AFG1L: variants seen among roughly 807,000 people sequenced by gnomAD.
AFG1L encodes AFG1 like ATPase, also known as AFG1-like ATPase.
A neutral mutation model predicts 62.2 loss-of-function variants in AFG1L; 53 were observed. The observed-to-expected ratio is 0.85, with a 90% CI of 0.68 to 1.07. The LOEUF is 1.07. Among genes scored for constraint, AFG1L ranks in the 50% least tolerant of loss-of-function variants. The pLI is 0.00. For synonymous variants in AFG1L, 228 were observed against 210.3 expected, an observed-to-expected ratio of 1.08 and a Z score of -0.73; for missense variants, 555 against 590.5, an observed-to-expected ratio of 0.94 and a Z score of 0.62.
intron 7 of AFG1L, among the ~76,000 whole-genome samples, chr6:108,442,486 T>C (rs1026595773): frequency 6.6e-6 from 1 of 152,028 alleles, no homozygotes; most frequent in Non-Finnish European, 1.5e-5. Flanking sequence ...GGAGTTGGGT[T>C]TGGACAACTT....
At chr6:108,414,925 A>G (rs879733884) in intron 7 of AFG1L, among the ~76,000 whole-genome samples, 22 of 152,232 alleles carry the variant, frequency 1.4e-4, no homozygotes, top group Non-Finnish European at 2.4e-4. Context: ...GGCCAGGGCA[A>G]TCAGGCAAGG....
chr6:108,344,535 A>T (rs1425230182), intron 2 of AFG1L, among the ~76,000 whole-genome samples: 1 of 152,142 alleles, frequency 6.6e-6, no homozygotes. Flanking sequence ...GTAGTATGCT[A>T]TGATCATGCC....
At chr6:108,457,466 A>G (rs1015616401) in intron 8 of AFG1L, among the ~76,000 whole-genome samples, 2 of 151,650 alleles carry the variant, frequency 1.3e-5, no homozygotes, top group Non-Finnish European at 2.9e-5. Context: ...CATTTTTACT[A>G]TCCCGGGCTT....
chr6:108,463,093 A>G (rs1772524710), intron 8 of AFG1L, among the ~76,000 whole-genome samples: 1 of 152,062 alleles, frequency 6.6e-6, no homozygotes, highest in Non-Finnish European at 1.5e-5. Context: ...AGTTCAAGAT[A>G]GCTTGGCCAA....
At chr6:108,361,003 G>A (rs549322928) in intron 5 of AFG1L, among the ~76,000 whole-genome samples, 2 of 152,350 alleles carry the variant, frequency 1.3e-5, no homozygotes, top group South Asian at 2.1e-4. Flanking sequence ...GCACCAGAGC[G>A]GCTGGCAACC....
At chr6:108,302,322 A>G (rs924279862) in intron 1 of AFG1L, among the ~76,000 whole-genome samples, 1 of 152,202 alleles carries the variant, frequency 6.6e-6, no homozygotes. Context: ...TTTACTAAAG[A>G]CAAATCATGG....
intron 10 of AFG1L, among the ~76,000 whole-genome samples, chr6:108,502,519 T>C (rs1774247856): frequency 6.6e-6 from 1 of 152,124 alleles, no homozygotes; most frequent in Non-Finnish European, 1.5e-5. Context: ...TTTGTATTTT[T>C]AGTAGAGACA....
Position 108,396,905 on chromosome 6 carries a change from C to T in AFG1L, c.749-5091C>T, listed in dbSNP as rs540386098. Among the ~76,000 whole-genome samples, 38 of 152,252 alleles carry T rather than the reference C, an allele frequency of 2.5e-4. No homozygotes were observed. The South Asian group carries it at 7.3e-3, about 29-fold the overall frequency. Reference sequence around the variant, plus strand: ...ATATACCATCCTCTCAAGCACGTATCCTTTGTATTACAAACAATCCATTAT... The same window carrying T: ...ATATACCATCCTCTCAAGCACGTATTCTTTGTATTACAAACAATCCATTAT... On this transcript the variant is annotated intron_variant, in intron 6 of 12. Coordinates refer to ENST00000368977, the MANE Select transcript of AFG1L (RefSeq NM_145315.5).
intron 3 of AFG1L, among the ~76,000 whole-genome samples, chr6:108,354,496 G>C (rs958596485): frequency 6.6e-6 from 1 of 151,932 alleles, no homozygotes; most frequent in Non-Finnish European, 1.5e-5. Flanking sequence ...GTAGAGACAG[G>C]GTTTTGCCAT....
At chr6:108,434,033 G>T (rs962198057) in intron 7 of AFG1L, among the ~76,000 whole-genome samples, 1 of 152,198 alleles carries the variant, frequency 6.6e-6, no homozygotes, top group Non-Finnish European at 1.5e-5. Flanking sequence ...GGCACTTAAA[G>T]GGAACAGGAA....
intron 8 of AFG1L, among the ~76,000 whole-genome samples, chr6:108,459,564 T>A (rs1164587575): frequency 2.0e-5 from 3 of 152,156 alleles, no homozygotes; most frequent in African/African-American, 7.2e-5. Flanking sequence ...TTCTGAAAAA[T>A]TGGTAAATAA....
chr6:108,448,654 C>T (rs908569302), intron 8 of AFG1L, among the ~76,000 whole-genome samples: 2 of 152,066 alleles, frequency 1.3e-5, no homozygotes, highest in East Asian at 1.9e-4. Context: ...TTGCTTGGAG[C>T]GTAGCCATTT....
chr6:108,484,956 GA>G (rs1773484072), intron 10 of AFG1L, among the ~76,000 whole-genome samples: 1 of 152,034 alleles, frequency 6.6e-6, no homozygotes, highest in South Asian at 2.1e-4. Context: ...CTATTTAAAG[GA>G]AAAAGAAATA....
intron 2 of AFG1L, among the ~76,000 whole-genome samples, chr6:108,337,698 A>G (rs1425636469): frequency 6.6e-6 from 1 of 152,208 alleles, no homozygotes; most frequent in Non-Finnish European, 1.5e-5. Context: ...CTTTTCAGTT[A>G]AGTAGAAACC....
In AFG1L at chr6:108,295,057, C is replaced by T. The variant is rs1776705535; in HGVS notation, c.-23C>T. 5 of 1,609,176 alleles carry T rather than the reference C, an allele frequency of 3.1e-6. No homozygotes were observed. The highest frequency in any genetic ancestry group is 4.5e-5 in the East Asian group (2 of 44,876). Reference sequence around the variant, plus strand: ...TGGGTTCCAATAAAGTTTTCCTCTTCCTCTCCTCGTACGGAGTTCAAGATG... The same window carrying T: ...TGGGTTCCAATAAAGTTTTCCTCTTTCTCTCCTCGTACGGAGTTCAAGATG... On this transcript the variant is annotated 5_prime_UTR_variant, in exon 1 of 13. Coordinates refer to ENST00000368977, the MANE Select transcript of AFG1L (RefSeq NM_145315.5).
chr6:108,370,211 C>T (rs1361888008), intron 6 of AFG1L, among the ~76,000 whole-genome samples: 2 of 152,032 alleles, frequency 1.3e-5, no homozygotes, highest in Non-Finnish European at 2.9e-5. Flanking sequence ...AAACGCTAAG[C>T]CACTGAAGCT....
chr6:108,424,673 G>A (rs1453691017), intron 7 of AFG1L, among the ~76,000 whole-genome samples: 1 of 152,082 alleles, frequency 6.6e-6, no homozygotes, highest in Non-Finnish European at 1.5e-5. Context: ...GTGGTTAGCT[G>A]TGTGGTGGGA....
At chr6:108,453,059 C>T (rs1772118211) in intron 8 of AFG1L, among the ~76,000 whole-genome samples, 1 of 152,206 alleles carries the variant, frequency 6.6e-6, no homozygotes, top group African/African-American at 2.4e-5. Context: ...GGGGCATTTA[C>T]CGGACATTAG....
At chr6:108,418,113 A>G (rs1375639578) in intron 7 of AFG1L, among the ~76,000 whole-genome samples, 2 of 152,076 alleles carry the variant, frequency 1.3e-5, no homozygotes, top group African/African-American at 4.8e-5. Flanking sequence ...TAATTGTTAA[A>G]GCATTTGTTG....
Sources: allele counts gnomAD v4.1 joint callset (sites outside exome capture counted in the v4.1 genomes callset), GRCh38; gene constraint gnomAD v4.1.1; transcripts MANE v1.5; gene names NCBI Gene and HGNC (gene_info 2026-07-23, HGNC 2026-07-21).